CNGA3: variants seen among roughly 807,000 people sequenced by gnomAD.
CNGA3 encodes the protein cyclic nucleotide-gated channel alpha-3.
A neutral mutation model predicts 46.6 loss-of-function variants in CNGA3; 42 were observed. The ratio of observed to expected loss-of-function variants is 0.90; its 90% CI spans 0.70 to 1.17. The LOEUF (loss-of-function observed/expected upper bound fraction) is 1.17, where lower values mean the gene tolerates loss of function less well. CNGA3 is among the 50% of genes most tolerant of loss of function. The pLI is 0.00. For synonymous variants in CNGA3, 394 were observed against 369.4 expected (o/e 1.07, Z -0.76); for missense variants, 893 against 890.7 (o/e 1.00, Z -0.03).
At chr2:98,366,480 C>T (rs1692154958) in intron 1 of CNGA3, among the ~76,000 whole-genome samples, 1 of 152,242 alleles carries the variant, frequency 6.6e-6, no homozygotes, top group Non-Finnish European at 1.5e-5. Flanking sequence ...TGCCCGATTC[C>T]TTAAAGCCAG....
intron 3 of CNGA3, 87 bp downstream of exon 3, chr2:98,377,887 TG>T: frequency 2.9e-6 from 4 of 1,356,014 alleles, no homozygotes; most frequent in Non-Finnish European, 4.1e-6. Flanking sequence ...AAGTGCTAGA[TG>T]GGGGTGGAGT....
In CNGA3 at chr2:98,395,755, GT is replaced by G. The variant is rs1692895801; in HGVS notation, c.674-88del. 6 of 1,039,522 alleles carry G rather than the reference GT, an allele frequency of 5.8e-6. No homozygotes were observed. In the Admixed American group the frequency reaches 1.0e-4, roughly 18 times the overall value. 64.4% of individuals were successfully genotyped at this position (1,039,522 alleles called of 1,614,324 possible). A position where few individuals can be genotyped will look rare whatever the true frequency, so the allele number is the denominator to read the frequency against. On this transcript the variant is annotated intron_variant, in intron 7 of 7. Transcript: ENST00000272602. The stretch of plus-strand genomic sequence containing the variant: ...TTATATATGTATCACTGCATACTGT[GT>G]AGCCGTGAGGTAAAATATGTTTCTT...
chr2:98,378,897 C>T (rs912669438), intron 3 of CNGA3, among the ~76,000 whole-genome samples: 1 of 152,246 alleles, frequency 6.6e-6, no homozygotes, highest in African/African-American at 2.4e-5. Flanking sequence ...CATGTCCCCT[C>T]CATTCTGGCT....
intron 1 of CNGA3, among the ~76,000 whole-genome samples, chr2:98,358,481 T>G (rs1558803837): frequency 6.6e-6 from 1 of 151,904 alleles, no homozygotes; most frequent in Admixed American, 6.6e-5. Context: ...GAAATTGTCA[T>G]GCAAAAAAAA....
intron 6 of CNGA3, among the ~76,000 whole-genome samples, chr2:98,390,793 C>T (rs1283060207): frequency 2.0e-5 from 3 of 152,120 alleles, no homozygotes; most frequent in Non-Finnish European, 4.4e-5. Context: ...TCCAGGACAC[C>T]AATGCAGGGT....
intron 1 of CNGA3, among the ~76,000 whole-genome samples, chr2:98,352,904 A>G (rs1429166078): frequency 6.6e-6 from 1 of 152,158 alleles, no homozygotes; most frequent in Non-Finnish European, 1.5e-5. Context: ...ATGTATATAC[A>G]GTTGACCCTT....
rs1692053800 is a variant in CNGA3 at position 98,362,306 on chromosome 2, A to G, written c.-37-7633A>G. ...GTGATTCTCCTACCTCAGCCTCCCGAGTAGCTAGGATTACAGGCGCCTGCC... is the reference window on the plus strand; with the variant it reads ...GTGATTCTCCTACCTCAGCCTCCCGGGTAGCTAGGATTACAGGCGCCTGCC... On this transcript the variant is annotated intron_variant, in intron 1 of 7. Coordinates refer to ENST00000272602, the MANE Select transcript of CNGA3 (RefSeq NM_001298.3). 2.0e-5 allele frequency among the ~76,000 whole-genome samples: 3 copies of G among 150,678 alleles called. No homozygotes were observed. The Admixed American group carries it at 2.0e-4, about 10-fold the overall frequency.
chr2:98,359,095 C>A (rs1691960721), intron 1 of CNGA3, among the ~76,000 whole-genome samples: 2 of 152,170 alleles, frequency 1.3e-5, no homozygotes, highest in Non-Finnish European at 2.9e-5. Context: ...GACAAGCCAA[C>A]CCAGATGTCC....
At position 98,397,453 on chromosome 2, in the gene CNGA3, G is replaced by A; in HGVS notation, c.*198G>A. ...TGTCTCAGTCCCAGTGAAGTGCCAG[G>A]TTTGATTGTGAAGTCCGCATGAAAC... On this transcript the variant is annotated 3_prime_UTR_variant, in exon 8 of 8. Coordinates refer to ENST00000272602, the MANE Select transcript of CNGA3 (RefSeq NM_001298.3). 1 of 637,556 alleles carries A rather than the reference G, an allele frequency of 1.6e-6. No homozygotes were observed. Among genetic ancestry groups the A allele is most frequent in the Non-Finnish European group, 2.8e-6 (1 of 362,686 alleles). 39.5% of individuals were successfully genotyped at this position (637,556 alleles called of 1,614,324 possible).
chr2:98,353,195 G>A (rs919732889), intron 1 of CNGA3, among the ~76,000 whole-genome samples: 18 of 152,148 alleles, frequency 1.2e-4, no homozygotes, highest in Non-Finnish European at 1.9e-4. Flanking sequence ...AGAAGTGGAC[G>A]TGTACAGTTC....
chr2:98,377,843 T>A (rs933716975), intron 3 of CNGA3, 43 bp downstream of exon 3: 3 of 1,549,194 alleles, frequency 1.9e-6, no homozygotes, highest in East Asian at 2.3e-5. Flanking sequence ...TGGGGGACAC[T>A]GTTGCAGAAA....
At chr2:98,378,261 T>G in intron 3 of CNGA3, 1 of 1,527,290 alleles carries the variant, frequency 6.5e-7, no homozygotes, top group Non-Finnish European at 8.8e-7. Context: ...GCAAGATTAG[T>G]GAGACTCCAA....
At position 98,361,739 on chromosome 2, in the gene CNGA3, G is replaced by A. The variant is rs1331190114; in HGVS notation, c.-37-8200G>A. The stretch of plus-strand genomic sequence containing the variant: ...TTTTTTTTTTTTGAGACAGAGTCTT[G>A]CTCTGTCGCCCAGGCTGGAGTGCAG... On this transcript the variant is annotated intron_variant, in intron 1 of 7. Coordinates refer to ENST00000272602, the MANE Select transcript of CNGA3 (RefSeq NM_001298.3). Among the ~76,000 whole-genome samples the A allele has an allele frequency of 4.7e-4, 59 of 124,550 alleles. No individual in the cohort carries two copies. In the Admixed American group the frequency reaches 5.0e-3, roughly 11 times the overall value. 81.7% of individuals were successfully genotyped at this position (124,550 alleles called of 152,430 possible).
intron 3 of CNGA3, 110 bp from the exon 4 acceptor site, chr2:98,380,065 C>G (rs531814148): frequency 7.6e-7 from 1 of 1,320,146 alleles, no homozygotes; most frequent in African/African-American, 1.4e-5. Flanking sequence ...TGCCCCATCC[C>G]TTGAGACAGA....
rs779053517 is a variant in CNGA3 at position 98,396,736 on chromosome 2, C to T, written c.1566C>T (p.Ile522=). ...KGDIGKEMYI[I]NEGKLAVVAD... ...ATATTGGGAAGGAGATGTACATCAT[C>T]AACGAGGGCAAGCTGGCCGTGGTGG... The change falls in exon 8 of 8, where the codon ATC becomes ATT. Residue 522 remains isoleucine, a synonymous_variant. Transcript: ENST00000272602. 2 of 1,614,176 alleles carry T rather than the reference C, an allele frequency of 1.2e-6. No homozygotes were observed. The highest frequency in any genetic ancestry group is 1.7e-6 in the Non-Finnish European group (2 of 1,180,050).
chr2:98,378,205 G>C (rs1189901380), intron 3 of CNGA3: 5 of 1,549,272 alleles, frequency 3.2e-6, no homozygotes, highest in Admixed American at 2.0e-5. Context: ...CCGGGTGCTC[G>C]TCTGGACCCC....
chr2:98,348,478 T>C (rs948108567), intron 1 of CNGA3, among the ~76,000 whole-genome samples: 17 of 152,202 alleles, frequency 1.1e-4, no homozygotes, highest in African/African-American at 4.1e-4. Context: ...TCAGGCTCTT[T>C]CCAGCTCTGG....
chr2:98,347,394 G>C (rs1038281365), intron 1 of CNGA3, among the ~76,000 whole-genome samples: 2 of 152,172 alleles, frequency 1.3e-5, no homozygotes, highest in South Asian at 4.1e-4. Context: ...CTCAGCCCGC[G>C]GCCCCTCCCG....
At chr2:98,349,493 C>T (rs1231407881) in intron 1 of CNGA3, among the ~76,000 whole-genome samples, 2 of 152,192 alleles carry the variant, frequency 1.3e-5, no homozygotes, top group Non-Finnish European at 2.9e-5. Context: ...ATGGAAGGTT[C>T]ATTCATTTAC....
Sources: gnomAD v4.1 joint callset for allele counts (sites outside exome capture counted in the v4.1 genomes callset) on GRCh38, gnomAD v4.1.1 for gene constraint, MANE v1.5 for transcripts, NCBI Gene and HGNC (gene_info 2026-07-23, HGNC 2026-07-21) for gene names.